Variants in RGS6 observed in about 807,000 individuals in gnomAD.
RGS6 encodes regulator of G-protein signaling 6.
RGS6 carries 30 observed loss-of-function variants against 78.5 expected under a neutral mutation model. That is an observed-to-expected ratio of 0.38 (90% confidence interval 0.29 to 0.52). The LOEUF (loss-of-function observed/expected upper bound fraction) is 0.52. RGS6 is among the 20% of genes least tolerant of loss of function. The pLI is 0.85. For missense variants in RGS6, 495 were observed against 609.7 expected, an observed-to-expected ratio of 0.81 and a Z score of 1.98; for synonymous variants, 206 against 206.0, an observed-to-expected ratio of 1.00 and a Z score of 0.00.
the RGS6 span, among the ~76,000 whole-genome samples, chr14:71,868,661 G>C: frequency 6.6e-6 from 1 of 152,122 alleles, no homozygotes; most frequent in Admixed American, 6.6e-5. Flanking sequence ...TGAACCACTC[G>C]ATTTCTCTCA....
At chr14:72,318,078 T>C (rs1358931066) in intron 2 of RGS6, among the ~76,000 whole-genome samples, 1 of 152,192 alleles carries the variant, frequency 6.6e-6, no homozygotes, top group Non-Finnish European at 1.5e-5. Context: ...CACCCCATTT[T>C]ACACAGCTGG....
intron 1 of RGS6, among the ~76,000 whole-genome samples, chr14:71,942,619 GTGT>G (rs2090795696): frequency 6.6e-6 from 1 of 152,182 alleles, no homozygotes. Context: ...ATACCAAAGG[GTGT>G]TGTTCTTTAC....
At chr14:72,437,961 T>C (rs1451022621) in intron 3 of RGS6, among the ~76,000 whole-genome samples, 2 of 152,246 alleles carry the variant, frequency 1.3e-5, no homozygotes, top group African/African-American at 4.8e-5. Flanking sequence ...ACAGACATTT[T>C]TAGCTGTCTA....
intron 3 of RGS6, among the ~76,000 whole-genome samples, chr14:72,362,856 A>T (rs944259600): frequency 6.6e-6 from 1 of 152,200 alleles, no homozygotes; most frequent in Non-Finnish European, 1.5e-5. Flanking sequence ...GGGCATTACC[A>T]TAACAATCTA....
chr14:71,955,480 T>C (rs1174731765), intron 1 of RGS6, among the ~76,000 whole-genome samples: 1 of 152,204 alleles, frequency 6.6e-6, no homozygotes, highest in Non-Finnish European at 1.5e-5. Flanking sequence ...ACTCCATAGA[T>C]AGAGCAGCCC....
chr14:72,101,157 A>G (rs1431045385), intron 2 of RGS6, among the ~76,000 whole-genome samples: 1 of 152,196 alleles, frequency 6.6e-6, no homozygotes, highest in Admixed American at 6.5e-5. Context: ...TAACTTGGGC[A>G]GCAGAGTGAG....
chr14:72,059,046 G>C (rs2093760579), intron 2 of RGS6, among the ~76,000 whole-genome samples: 1 of 152,078 alleles, frequency 6.6e-6, no homozygotes, highest in South Asian at 2.1e-4. Flanking sequence ...CGGGACTACA[G>C]GTGCCACCAT....
At chr14:72,323,448 A>C (rs1419562300) in intron 2 of RGS6, among the ~76,000 whole-genome samples, 1 of 151,914 alleles carries the variant, frequency 6.6e-6, no homozygotes. Flanking sequence ...AAAAAAAAAA[A>C]CAATAGAATC....
intron 4 of RGS6, among the ~76,000 whole-genome samples, chr14:72,457,272 A>C (rs1270971718): frequency 6.6e-6 from 1 of 152,192 alleles, no homozygotes; most frequent in Admixed American, 6.5e-5. Flanking sequence ...GCCAAAACAA[A>C]CTACTTTAAA....
At chr14:72,530,080 C>T (rs79571702) in intron 15 of RGS6, among the ~76,000 whole-genome samples, 42 of 152,310 alleles carry the variant, frequency 2.8e-4, no homozygotes, top group African/African-American at 1.0e-3. Context: ...GCTTTTCCCT[C>T]CTACAATGAG....
At chr14:72,152,596 CGTT>C (rs2096710829) in intron 2 of RGS6, among the ~76,000 whole-genome samples, 1 of 152,080 alleles carries the variant, frequency 6.6e-6, no homozygotes, top group Admixed American at 6.5e-5. Flanking sequence ...TAGCAGAAAA[CGTT>C]TACCAGTAAG....
At chr14:71,954,847 T>A (rs1357771999) in intron 1 of RGS6, among the ~76,000 whole-genome samples, 1 of 152,246 alleles carries the variant, frequency 6.6e-6, no homozygotes, top group Non-Finnish European at 1.5e-5. Context: ...TTTTTCATCA[T>A]AGTTATTTTA....
chr14:71,915,653 G>C, the RGS6 span, among the ~76,000 whole-genome samples: 1 of 152,198 alleles, frequency 6.6e-6, no homozygotes, highest in Non-Finnish European at 1.5e-5. Context: ...AAGTCAATCA[G>C]CATGTTCATT....
At chr14:72,243,826 C>G (rs930993482) in intron 2 of RGS6, among the ~76,000 whole-genome samples, 1 of 151,610 alleles carries the variant, frequency 6.6e-6, no homozygotes, top group Non-Finnish European at 1.5e-5. Flanking sequence ...TGGGACAAAG[C>G]GACTTTTAAG....
chr14:72,236,908 G>A (rs1356886526), intron 2 of RGS6, among the ~76,000 whole-genome samples: 2 of 152,212 alleles, frequency 1.3e-5, no homozygotes, highest in African/African-American at 4.8e-5. Context: ...CTGCTTCCCA[G>A]ACGGGGCGGC....
intron 2 of RGS6, among the ~76,000 whole-genome samples, chr14:72,291,763 C>A (rs1018119800): frequency 2.6e-5 from 4 of 152,082 alleles, no homozygotes; most frequent in African/African-American, 9.7e-5. Flanking sequence ...ATCACAATAG[C>A]AAATTTTTAA....
At chr14:72,047,835 C>T (rs2092963411) in intron 2 of RGS6, among the ~76,000 whole-genome samples, 1 of 151,012 alleles carries the variant, frequency 6.6e-6, no homozygotes, top group Non-Finnish European at 1.5e-5. Context: ...AAGTGATTCT[C>T]ATGCCTCAGC....
At chr14:72,246,954 G>A (rs1295957478) in intron 2 of RGS6, among the ~76,000 whole-genome samples, 3 of 151,546 alleles carry the variant, frequency 2.0e-5, no homozygotes, top group African/African-American at 7.3e-5. Context: ...GTGTAGAGGA[G>A]GAGGGTCTTA....
rs545141080 is a variant in RGS6, at chr14:72,014,152, A to T, written c.84+49277A>T. ...TTTGTAAGGATATGGCATAATTTAT[A>T]ATGCTGGCCCCAACGTCCACTCCTA... On this transcript the variant is annotated intron_variant, in intron 2 of 17. Coordinates refer to ENST00000553525, the MANE Select transcript of RGS6 (RefSeq NM_001204424.2). Among the ~76,000 whole-genome samples, 3 of 152,298 alleles carry T rather than the reference A, an allele frequency of 2.0e-5. No homozygotes were observed. In the South Asian group the frequency reaches 6.2e-4, roughly 32 times the overall value.
Sources: gnomAD v4.1 joint callset for allele counts (sites outside exome capture counted in the v4.1 genomes callset) on GRCh38, gnomAD v4.1.1 for gene constraint, MANE v1.5 for transcripts, NCBI Gene and HGNC (gene_info 2026-07-23, HGNC 2026-07-21) for gene names.